Variants in STK35 observed in about 807,000 individuals in gnomAD.
The protein encoded by STK35 is serine/threonine kinase 35.
Under a neutral mutation model 37.3 loss-of-function variants are expected in STK35, and 17 were observed. That is an observed-to-expected ratio of 0.46 (90% CI 0.31 to 0.68). STK35 has a LOEUF of 0.68. Ranked by LOEUF, STK35 falls within the 30% of genes least tolerant of loss-of-function variation. The pLI is 0.05. For synonymous variants in STK35, 385 were observed against 319.1 expected, an observed-to-expected ratio of 1.21 and a Z score of -2.20; for missense variants, 595 against 746.7, an observed-to-expected ratio of 0.80 and a Z score of 2.37.
At chr20:2,102,361 T>C (rs1277789079) in intron 1 of STK35, among the ~76,000 whole-genome samples, 186 bp downstream of exon 1, 1 of 152,116 alleles carries the variant, frequency 6.6e-6, no homozygotes, top group East Asian at 1.9e-4. Context: ...CGCTAGGGCT[T>C]AATTCAATGG....
At chr20:2,120,578 G>A (rs1985799585) in intron 3 of STK35, among the ~76,000 whole-genome samples, 1 of 152,208 alleles carries the variant, frequency 6.6e-6, no homozygotes. Context: ...GCTGTATCTG[G>A]CTGGTCAGAG....
intron 2 of STK35, among the ~76,000 whole-genome samples, chr20:2,107,523 C>A (rs1000964899): frequency 1.3e-5 from 2 of 152,114 alleles, no homozygotes; most frequent in Non-Finnish European, 2.9e-5. Flanking sequence ...ATGCAGAGGA[C>A]GCATGCCCAC....
intron 2 of STK35, among the ~76,000 whole-genome samples, chr20:2,113,434 T>G (rs1985656991): frequency 6.6e-6 from 1 of 152,172 alleles, no homozygotes; most frequent in Non-Finnish European, 1.5e-5. Flanking sequence ...TAGACTGGTG[T>G]TGCAGCTAGC....
intron 2 of STK35, among the ~76,000 whole-genome samples, chr20:2,115,868 C>A (rs1985705771): frequency 6.7e-6 from 1 of 149,710 alleles, no homozygotes; most frequent in East Asian, 1.9e-4. Flanking sequence ...CCTGCCCCCT[C>A]TGACACCTTC....
chr20:2,139,255 A>T (rs1986135077), intron 3 of STK35, among the ~76,000 whole-genome samples: 1 of 152,188 alleles, frequency 6.6e-6, no homozygotes, highest in Admixed American at 6.5e-5. Flanking sequence ...TCATGAAAGT[A>T]GTTCAGTTTC....
chr20:2,139,592 C>G (rs1447258107), intron 3 of STK35, among the ~76,000 whole-genome samples: 2 of 152,190 alleles, frequency 1.3e-5, no homozygotes, highest in African/African-American at 2.4e-5. Context: ...TGAGGCTGTT[C>G]TCTCTGAGCT....
intron 3 of STK35, among the ~76,000 whole-genome samples, chr20:2,141,106 G>C (rs1047825488): frequency 2.0e-5 from 3 of 152,186 alleles, no homozygotes; most frequent in Non-Finnish European, 4.4e-5. Context: ...CAGATGGTGA[G>C]GGCCTACCCT....
At chr20:2,139,904 C>G (rs1020864070) in intron 3 of STK35, among the ~76,000 whole-genome samples, 1 of 152,176 alleles carries the variant, frequency 6.6e-6, no homozygotes, top group Non-Finnish European at 1.5e-5. Flanking sequence ...ATCACTGACA[C>G]CTTCCACCCC....
chr20:2,117,430 T>G lies in STK35; in HGVS notation c.*37+15T>G, dbSNP rs1186003166. The stretch of plus-strand genomic sequence containing the variant: ...TTTTAAACTAGGTGAGTGCTCTCTG[T>G]TGTTGTTTTTTGTTTTTTGTTTTGA... On this transcript the variant is annotated intron_variant, in intron 3 of 3. Coordinates refer to ENST00000381482, the MANE Select transcript of STK35 (RefSeq NM_080836.4). This position sits in a 1 kb window ranked among gnomAD's most constrained non-coding sequence, Gnocchi z 4.4. 25 of 1,441,570 alleles carry G rather than the reference T, an allele frequency of 1.7e-5. No homozygotes were observed. In the East Asian group the frequency reaches 5.7e-4, roughly 33 times the overall value. The allele number at this position is 1,441,570 out of a possible 1,614,324, so 89.3% of individuals were successfully genotyped here.
chr20:2,104,522 G>T (rs1257451349), intron 2 of STK35, among the ~76,000 whole-genome samples: 5 of 152,174 alleles, frequency 3.3e-5, no homozygotes, highest in African/African-American at 1.2e-4. Flanking sequence ...GGGGATCCCA[G>T]ATCTGTCTTG....
At chr20:2,106,597 G>A (rs1463366520) in intron 2 of STK35, among the ~76,000 whole-genome samples, 2 of 152,224 alleles carry the variant, frequency 1.3e-5, no homozygotes, top group African/African-American at 2.4e-5. Context: ...AAGAGAATCA[G>A]GAGTTAGGGA....
rs1462729124 is a variant in STK35 at position 2,148,034 on chromosome 20, G to C, written c.*4288G>C. The C allele has an allele frequency of 7.0e-6, 1 of 143,018 alleles. No homozygotes were observed. The highest frequency in any genetic ancestry group is 1.5e-5 in the Non-Finnish European group (1 of 66,618). 8.9% of individuals were successfully genotyped at this position (143,018 alleles called of 1,614,324 possible). On this transcript the variant is annotated 3_prime_UTR_variant, in exon 4 of 4. Transcript: ENST00000381482. ...GAATTGGCCAGTGTTAGCATCTACA[G>C]CCATCACCGAGATGAGTCCACTGCC...
rs1370448705 is a variant in STK35 at position 2,102,958 on chromosome 20, C to T, written c.485C>T (p.Thr162Met). ...AGCCCAGTGCCGCGGGCGCCCAGCA[C>T]GAAGCTGAGGCCGGCGGCGGCGGCC... ...RRSPVPRAPSTKLRPAAAARA... is the reference protein window; with the variant it reads ...RRSPVPRAPSMKLRPAAAARA... The change falls in exon 2 of 4, where the codon ACG becomes ATG. Residue 162 changes from threonine to methionine, a missense_variant. Thr to Met is a moderately conservative substitution (Grantham distance 81, BLOSUM62 -1). Around this residue, in one of 3 missense-constraint regions of STK35, gnomAD observed 389 missense variants for 320.0 expected, o/e 1.22. Coordinates refer to ENST00000381482, the MANE Select transcript of STK35 (RefSeq NM_080836.4). The T allele has an allele frequency of 1.5e-5, 22 of 1,472,380 alleles. No homozygotes were observed. Among genetic ancestry groups the T allele is most frequent in the Non-Finnish European group, 2.0e-5 (22 of 1,116,836 alleles). The allele number at this position is 1,472,380 out of a possible 1,614,324, so 91.2% of individuals were successfully genotyped here. A position where few individuals can be genotyped will look rare whatever the true frequency, so the allele number is the denominator to read the frequency against.
Position 2,103,016 on chromosome 20 carries a change from G to A in STK35, c.543G>A (p.Pro181=). The A allele has an allele frequency of 1.4e-6, 2 of 1,436,234 alleles. No homozygotes were observed. The highest frequency in any genetic ancestry group is 1.4e-5 in the South Asian group (1 of 69,294). The allele number at this position is 1,436,234 out of a possible 1,614,324, so 89.0% of individuals were successfully genotyped here. The change falls in exon 2 of 4, where the codon CCG becomes CCA. Residue 181 remains proline (P), a synonymous_variant. Transcript: ENST00000381482. Reference sequence around the variant, plus strand: ...TGGATCCGGTGGCGGCCGAGGCCCCGGGCGAGGCCTTCCTGGCGCGGCGAC... The same window carrying A: ...TGGATCCGGTGGCGGCCGAGGCCCCAGGCGAGGCCTTCCTGGCGCGGCGAC... ...RAMDPVAAEA[P]GEAFLARRRP...
chr20:2,147,124 G>T lies in STK35; in HGVS notation c.*3378G>T, dbSNP rs188881573. The T allele has an allele frequency of 2.0e-5, 3 of 152,926 alleles. No homozygotes were observed. Among genetic ancestry groups the T allele is most frequent in the African/African-American group, 7.2e-5 (3 of 41,584 alleles). 9.5% of individuals were successfully genotyped at this position (152,926 alleles called of 1,614,324 possible). On this transcript the variant is annotated 3_prime_UTR_variant, in exon 4 of 4. Transcript: ENST00000381482. ...GGAGATTTGACTCTGGACAGGGCCT[G>T]GCCTCCTTAGTGGCACTGCCGGGGG...
chr20:2,140,782 C>T (rs895855939), intron 3 of STK35, among the ~76,000 whole-genome samples: 6 of 152,194 alleles, frequency 3.9e-5, no homozygotes, highest in African/African-American at 9.7e-5. Flanking sequence ...GTGATTACAG[C>T]GGTCATTACA....
At chr20:2,112,097 G>T (rs748928391) in intron 2 of STK35, among the ~76,000 whole-genome samples, 2 of 152,242 alleles carry the variant, frequency 1.3e-5, no homozygotes, top group Non-Finnish European at 2.9e-5. Context: ...CTCAGAAATT[G>T]TTGAAGTGGC....
Position 2,117,135 on chromosome 20 carries a change from T to C in STK35, c.1362T>C (p.Ile454=). The C allele has an allele frequency of 1.2e-6, 2 of 1,613,874 alleles. No homozygotes were observed. The highest frequency in any genetic ancestry group is 1.7e-6 in the Non-Finnish European group (2 of 1,179,868). ...IWAMIERITF[I]DSETKKELLG... ...CAATGATAGAAAGAATCACTTTTAT[T>C]GACTCTGAGACCAAGAAGGAGCTCC... The change falls in exon 3 of 4, where the codon ATT becomes ATC. Residue 454 remains isoleucine, a synonymous_variant. Transcript: ENST00000381482. This position sits in a 1 kb window ranked among gnomAD's most constrained non-coding sequence, Gnocchi z 4.4.
chr20:2,131,503 T>G (rs1391997902), intron 3 of STK35, among the ~76,000 whole-genome samples: 8 of 151,918 alleles, frequency 5.3e-5, no homozygotes, highest in Non-Finnish European at 1.2e-4. Context: ...ATGGTATACC[T>G]ATATAGGGCA....
Sources: allele counts gnomAD v4.1 joint callset (sites outside exome capture counted in the v4.1 genomes callset), GRCh38; gene constraint gnomAD v4.1.1; regional missense constraint gnomAD v4.1.1; non-coding constraint Gnocchi (gnomAD v3.1); transcripts MANE v1.5; gene names NCBI Gene and HGNC (gene_info 2026-07-23, HGNC 2026-07-21).